PCCA: variants seen among roughly 807,000 people sequenced by gnomAD.
PCCA encodes the protein propionyl-CoA carboxylase alpha chain, mitochondrial.
Under a neutral mutation model 101.3 loss-of-function variants are expected in PCCA, and 74 were observed. That is an observed-to-expected ratio of 0.73 (90% CI 0.61 to 0.89). PCCA has a LOEUF of 0.89. Among genes scored for constraint, PCCA ranks in the 40% least tolerant of loss-of-function variants. PCCA has a pLI of 0.00. For synonymous variants in PCCA, 294 were observed against 313.6 expected (o/e 0.94, Z 0.66); for missense variants, 891 against 907.0 (o/e 0.98, Z 0.23).
intron 19 of PCCA, among the ~76,000 whole-genome samples, chr13:100,424,199 C>T (rs1435189008): frequency 6.6e-6 from 1 of 152,108 alleles, no homozygotes; most frequent in Non-Finnish European, 1.5e-5. Flanking sequence ...TATAGGTAAT[C>T]TAGAGATGAT....
intron 10 of PCCA, 31 bp downstream of exon 10, chr13:100,262,862 T>TACA (rs771685176): frequency 1.2e-6 from 1 of 851,614 alleles, no homozygotes; most frequent in East Asian, 2.4e-5. Flanking sequence ...TTTTCATTAT[T>TACA]ATTTTAAAAT....
chr13:100,340,056 C>T lies in PCCA; in HGVS notation c.1541-101C>T, dbSNP rs2071070081. The T allele has an allele frequency of 5.2e-6, 4 of 762,572 alleles. No homozygotes were observed. The Admixed American group carries it at 5.5e-5, about 11-fold the overall frequency. The allele number at this position is 762,572 out of a possible 1,614,324, so 47.2% of individuals were successfully genotyped here. On this transcript the variant is annotated intron_variant, in intron 17 of 23. Coordinates refer to ENST00000376285, the MANE Select transcript of PCCA (RefSeq NM_000282.4). The stretch of plus-strand genomic sequence containing the variant: ...CAATCCTAGCTGCATAATAGATGCC[C>T]TATAAAATACTTGTTTGAATGACTA...
chr13:100,346,889 T>C (rs898029747), intron 18 of PCCA, among the ~76,000 whole-genome samples: 3 of 152,154 alleles, frequency 2.0e-5, no homozygotes, highest in African/African-American at 7.2e-5. Flanking sequence ...GTTTTTTTTT[T>C]TGGAGATGGA....
chr13:100,243,340 A>C (rs1010153470), intron 8 of PCCA, among the ~76,000 whole-genome samples: 3 of 152,256 alleles, frequency 2.0e-5, no homozygotes, highest in African/African-American at 7.2e-5. Flanking sequence ...TATAGAAATG[A>C]ATTAAGCAAT....
chr13:100,154,016 G>T lies in PCCA; in HGVS notation c.301-963G>T, dbSNP rs967761045. On this transcript the variant is annotated intron_variant, in intron 4 of 23. Transcript: ENST00000376285. ...TATTTCATAACTGAAGACTCTAACA[G>T]AAATACTCAGGTATTTGCCACCTTT... Among the ~76,000 whole-genome samples the T allele has an allele frequency of 7.2e-5, 11 of 151,792 alleles. 1 individual carries two copies. The highest frequency in any genetic ancestry group is 1.3e-4 in the Admixed American group (2 of 15,240).
At chr13:100,100,977 A>G (rs1458205161) in intron 1 of PCCA, among the ~76,000 whole-genome samples, 1 of 151,782 alleles carries the variant, frequency 6.6e-6, no homozygotes, top group Non-Finnish European at 1.5e-5. Context: ...CTAATTTTGT[A>G]TTTTTAGTAG....
intron 19 of PCCA, among the ~76,000 whole-genome samples, chr13:100,404,918 G>A (rs1276883976): frequency 6.6e-6 from 1 of 152,134 alleles, no homozygotes; most frequent in Non-Finnish European, 1.5e-5. Context: ...TAACCTTGGT[G>A]TTGTCATCTG....
intron 19 of PCCA, among the ~76,000 whole-genome samples, chr13:100,401,279 T>C (rs1383955594): frequency 6.6e-6 from 1 of 152,190 alleles, no homozygotes; most frequent in African/African-American, 2.4e-5. Context: ...AGTCTCACTC[T>C]GTTGCCCAGG....
At chr13:100,111,463 G>A (rs1395925637) in intron 2 of PCCA, among the ~76,000 whole-genome samples, 2 of 152,048 alleles carry the variant, frequency 1.3e-5, no homozygotes, top group Non-Finnish European at 2.9e-5. Context: ...ACCCGGGCTT[G>A]ACCAAAGTCT....
chr13:100,147,503 T>C (rs886214023), intron 4 of PCCA, among the ~76,000 whole-genome samples: 24 of 152,334 alleles, frequency 1.6e-4, no homozygotes, highest in Non-Finnish European at 3.2e-4. Context: ...TTGGAAACAC[T>C]TTTTTAAAAA....
intron 4 of PCCA, among the ~76,000 whole-genome samples, chr13:100,131,679 G>A (rs561746964): frequency 6.6e-6 from 1 of 152,166 alleles, no homozygotes; most frequent in South Asian, 2.1e-4. Context: ...TGCCTTTACA[G>A]TATTTTATTA....
At chr13:100,183,979 C>A (rs8000615) in intron 6 of PCCA, among the ~76,000 whole-genome samples, 80,093 of 151,884 alleles carry the variant, frequency 0.53, 21,869 homozygotes, top group East Asian at 0.72. Context: ...CTGTTCTTGC[C>A]TTGCTATAAA....
intron 8 of PCCA, among the ~76,000 whole-genome samples, chr13:100,247,552 C>T (rs1435489067): frequency 9.4e-5 from 13 of 138,112 alleles, no homozygotes; most frequent in African/African-American, 3.6e-4. Flanking sequence ...CTCGCTCTGT[C>T]ACCTAGGCTG....
intron 6 of PCCA, among the ~76,000 whole-genome samples, chr13:100,164,348 C>T (rs2054816675): frequency 6.6e-6 from 1 of 152,166 alleles, no homozygotes; most frequent in South Asian, 2.1e-4. Context: ...TGGGAGCTGG[C>T]AGGCTCGGAT....
At chr13:100,269,023 T>C (rs2063129561) in intron 11 of PCCA, among the ~76,000 whole-genome samples, 1 of 152,104 alleles carries the variant, frequency 6.6e-6, no homozygotes, top group African/African-American at 2.4e-5. Context: ...CTAATTTTTG[T>C]GTTTTGTAGA....
At chr13:100,307,578 A>T (rs1199137381) in intron 15 of PCCA, among the ~76,000 whole-genome samples, 3 of 152,204 alleles carry the variant, frequency 2.0e-5, no homozygotes, top group Non-Finnish European at 2.9e-5. Flanking sequence ...TTTTTTGGCC[A>T]TTGGCAGAAA....
Position 100,425,617 on chromosome 13 carries a change from T to C in PCCA, c.1747-16T>C. 6.4e-7 allele frequency: 1 copy of C among 1,558,612 alleles called. No individual in the cohort carries two copies. The highest frequency in any genetic ancestry group is 8.9e-7 in the Non-Finnish European group (1 of 1,129,290). ...GTCTTTCTTCATGGTAATGGTCTTATTTGGTGTCACAACAGGTGGAAGTTG... is the reference window on the plus strand; with the variant it reads ...GTCTTTCTTCATGGTAATGGTCTTACTTGGTGTCACAACAGGTGGAAGTTG... On this transcript the variant is annotated splice_polypyrimidine_tract_variant and intron_variant, in intron 19 of 23. Coordinates refer to ENST00000376285, the MANE Select transcript of PCCA (RefSeq NM_000282.4).
At chr13:100,376,463 C>G (rs1030427463) in intron 19 of PCCA, among the ~76,000 whole-genome samples, 6 of 152,224 alleles carry the variant, frequency 3.9e-5, no homozygotes, top group Non-Finnish European at 7.3e-5. Flanking sequence ...GCCCCTTCCC[C>G]CAGGTACTCT....
intron 21 of PCCA, among the ~76,000 whole-genome samples, chr13:100,509,173 A>G (rs1158044949): frequency 1.3e-5 from 2 of 152,098 alleles, no homozygotes; most frequent in Admixed American, 6.6e-5. Context: ...GTGTTTCTCA[A>G]ATGTGCACTT....
Sources: gnomAD v4.1 joint callset for allele counts (sites outside exome capture counted in the v4.1 genomes callset) on GRCh38, gnomAD v4.1.1 for gene constraint, MANE v1.5 for transcripts, NCBI Gene and HGNC (gene_info 2026-07-23, HGNC 2026-07-21) for gene names.